CDH13: variants seen among roughly 807,000 people sequenced by gnomAD.
CDH13 encodes cadherin 13, also known as cadherin-13.
CDH13 carries 24 observed loss-of-function variants against 63.8 expected under a neutral mutation model. The ratio of observed to expected loss-of-function variants is 0.38; its 90% CI spans 0.27 to 0.53. CDH13 has a LOEUF of 0.53. CDH13 is among the 20% of genes least tolerant of loss of function. The pLI is 0.85. For missense variants in CDH13, 1,049 were observed against 903.1 expected, an observed-to-expected ratio of 1.16 and a Z score of -2.07; for synonymous variants, 503 against 355.3, an observed-to-expected ratio of 1.42 and a Z score of -4.67.
chr16:82,638,834 G>A lies in CDH13; in HGVS notation c.45+11697G>A, dbSNP rs183244947. The stretch of plus-strand genomic sequence containing the variant: ...ATTAGGGCAGTGTGTGCGTGTGTGC[G>A]TTTGTGTGCATGCACGCACCAGTGC... On this transcript the variant is annotated intron_variant, in intron 1 of 13. Coordinates refer to ENST00000567109, the MANE Select transcript of CDH13 (RefSeq NM_001257.5). 8.9e-4 allele frequency among the ~76,000 whole-genome samples: 136 copies of A among 152,150 alleles called. 1 individual carries two copies. The highest frequency in any genetic ancestry group is 3.1e-3 in the African/African-American group (129 of 41,478).
At chr16:83,079,673 T>C (rs2033104248) in intron 3 of CDH13, among the ~76,000 whole-genome samples, 1 of 152,222 alleles carries the variant, frequency 6.6e-6, no homozygotes, top group Non-Finnish European at 1.5e-5. Context: ...AATGTATAAA[T>C]AAAAGATTGG....
At chr16:82,762,975 G>C (rs1190351937) in intron 1 of CDH13, among the ~76,000 whole-genome samples, 1 of 152,122 alleles carries the variant, frequency 6.6e-6, no homozygotes, top group East Asian at 1.9e-4. Context: ...CTCTAAGATT[G>C]CAAGTACAAA....
Position 83,602,084 on chromosome 16 carries a change from AAAAAAAAAAAAAAGAACAACAAC to A in CDH13, c.961-356_961-334del, listed in dbSNP as rs1213179470. The stretch of plus-strand genomic sequence containing the variant: ...CTCTAGAGAGTGAGACTCTGTCTCA[AAAAAAAAAAAAAAGAACAACAAC>A]AAAAAAAAAAAAAAAAAAAAAAAAA... On this transcript the variant is annotated intron_variant, in intron 7 of 13. Coordinates refer to ENST00000567109, the MANE Select transcript of CDH13 (RefSeq NM_001257.5). 2.7e-4 allele frequency among the ~76,000 whole-genome samples: 20 copies of A among 74,622 alleles called. 1 individual carries two copies. Among genetic ancestry groups the A allele is most frequent in the Non-Finnish European group, 4.4e-4 (17 of 38,506 alleles). The allele number at this position is 74,622 out of a possible 152,430, so 49.0% of individuals were successfully genotyped here.
chr16:83,535,161 G>C (rs1279924080), intron 7 of CDH13, among the ~76,000 whole-genome samples: 1 of 152,242 alleles, frequency 6.6e-6, no homozygotes, highest in East Asian at 1.9e-4. Flanking sequence ...CAGAGCATAA[G>C]GGGTGCTCCA....
chr16:82,860,513 C>G (rs1176098071), intron 2 of CDH13, among the ~76,000 whole-genome samples: 1 of 151,606 alleles, frequency 6.6e-6, no homozygotes, highest in Admixed American at 6.6e-5. Context: ...AATGATAACA[C>G]ATTCAGAAAA....
intron 7 of CDH13, among the ~76,000 whole-genome samples, chr16:83,526,327 G>A (rs751420516): frequency 3.9e-5 from 6 of 152,116 alleles, no homozygotes; most frequent in Non-Finnish European, 7.4e-5. Flanking sequence ...TCAATAGTCC[G>A]CAACCTTTTT....
intron 8 of CDH13, among the ~76,000 whole-genome samples, chr16:83,652,508 T>C (rs1388740673): frequency 2.0e-5 from 3 of 152,044 alleles, no homozygotes; most frequent in Non-Finnish European, 4.4e-5. Flanking sequence ...CCCATGGAAA[T>C]TGGGAAGAAG....
intron 2 of CDH13, among the ~76,000 whole-genome samples, chr16:82,973,320 C>G (rs938958760): frequency 6.6e-6 from 1 of 152,224 alleles, no homozygotes; most frequent in Non-Finnish European, 1.5e-5. Flanking sequence ...CTGCAAGAAT[C>G]AGGCTTTACG....
intron 2 of CDH13, among the ~76,000 whole-genome samples, chr16:82,926,882 T>C (rs1258426690): frequency 6.6e-6 from 1 of 152,300 alleles, no homozygotes; most frequent in East Asian, 1.9e-4. Context: ...GTTATAATTG[T>C]ATAAGAAACC....
At chr16:83,735,257 G>A (rs756010762) in intron 10 of CDH13, 1 of 151,980 alleles carries the variant, frequency 6.6e-6, no homozygotes, top group South Asian at 2.1e-4. Context: ...CTAACCATTC[G>A]AGGGCTTTGT....
chr16:83,282,681 G>A (rs1385681982), intron 5 of CDH13, among the ~76,000 whole-genome samples: 2 of 152,192 alleles, frequency 1.3e-5, no homozygotes, highest in African/African-American at 4.8e-5. Flanking sequence ...ATAGGAAATG[G>A]AAGAAAGTTG....
chr16:83,124,707 C>A (rs2035734488), intron 3 of CDH13, among the ~76,000 whole-genome samples: 1 of 152,052 alleles, frequency 6.6e-6, no homozygotes, highest in South Asian at 2.1e-4. Flanking sequence ...GCTGTGGGTC[C>A]AATTTCACTC....
intron 10 of CDH13, among the ~76,000 whole-genome samples, chr16:83,719,184 A>T (rs2150933619): frequency 6.6e-6 from 1 of 152,324 alleles, no homozygotes; most frequent in South Asian, 2.1e-4. Context: ...AATTGCATTG[A>T]GCAGGCACAT....
chr16:83,483,035 C>G (rs1165214385), intron 6 of CDH13, among the ~76,000 whole-genome samples: 2 of 152,104 alleles, frequency 1.3e-5, no homozygotes, highest in African/African-American at 4.8e-5. Context: ...ATAGGTCATC[C>G]CATGAAATCC....
intron 2 of CDH13, among the ~76,000 whole-genome samples, chr16:82,969,374 C>T (rs1567704910): frequency 6.6e-6 from 1 of 151,890 alleles, no homozygotes; most frequent in African/African-American, 2.4e-5. Context: ...TACCCTAGGG[C>T]TATAATTTCC....
chr16:83,233,304 G>A (rs1048046674), intron 5 of CDH13, among the ~76,000 whole-genome samples: 10 of 152,134 alleles, frequency 6.6e-5, no homozygotes, highest in South Asian at 2.1e-4. Flanking sequence ...ACCCAGTGAC[G>A]ACCACGACAA....
intron 10 of CDH13, among the ~76,000 whole-genome samples, chr16:83,679,462 C>T (rs981725271): frequency 6.6e-6 from 1 of 152,224 alleles, no homozygotes; most frequent in Non-Finnish European, 1.5e-5. Flanking sequence ...ACTGAGTCAA[C>T]CACTTTACTT....
At position 82,887,750 on chromosome 16, in the gene CDH13, G is replaced by C. The variant is rs540442297; in HGVS notation, c.157+29277G>C. Among the ~76,000 whole-genome samples the C allele has an allele frequency of 3.6e-4, 55 of 152,248 alleles. 2 individuals carry two copies. Among genetic ancestry groups the C allele is most frequent in the African/African-American group, 1.2e-3 (51 of 41,560 alleles). On this transcript the variant is annotated intron_variant, in intron 2 of 13. Coordinates refer to ENST00000567109, the MANE Select transcript of CDH13 (RefSeq NM_001257.5). ...GCAGGAGAATTGCTTGAACCCTGCG[G>C]ATGAGAGGTTGCAGTGATCTGAGCT...
At chr16:82,832,248 A>AG (rs2038575019) in intron 1 of CDH13, among the ~76,000 whole-genome samples, 1 of 102,384 alleles carries the variant, frequency 9.8e-6, no homozygotes. Context: ...CCACTGTTTA[A>AG]TACTTTATAA....
Sources: allele counts gnomAD v4.1 joint callset (sites outside exome capture counted in the v4.1 genomes callset), GRCh38; gene constraint gnomAD v4.1.1; transcripts MANE v1.5; gene names NCBI Gene and HGNC (gene_info 2026-07-23, HGNC 2026-07-21).